Variants in NPR3 observed in about 807,000 individuals in gnomAD.
The protein encoded by NPR3 is natriuretic peptide receptor 3.
A neutral mutation model predicts 54.5 loss-of-function variants in NPR3; 34 were observed. That is an observed-to-expected ratio of 0.62 (90% CI 0.47 to 0.83). The LOEUF is 0.83. Among genes scored for constraint, NPR3 ranks in the 40% least tolerant of loss-of-function variants. The pLI is 0.00. For missense variants in NPR3, 674 were observed against 720.8 expected, an observed-to-expected ratio of 0.94 and a Z score of 0.74; for synonymous variants, 289 against 297.1, an observed-to-expected ratio of 0.97 and a Z score of 0.28.
At chr5:32,720,052 G>A (rs1320748212) in intron 1 of NPR3, among the ~76,000 whole-genome samples, 1 of 152,030 alleles carries the variant, frequency 6.6e-6, no homozygotes, top group Non-Finnish European at 1.5e-5. Context: ...TTTCCAAAAG[G>A]GCCTGCTTGC....
At chr5:32,701,080 A>T (rs1358484864) in intron 1 of NPR3, among the ~76,000 whole-genome samples, 2 of 152,138 alleles carry the variant, frequency 1.3e-5, no homozygotes, top group African/African-American at 4.8e-5. Context: ...CTTTTTAATG[A>T]TCACCATTCT....
chr5:32,720,415 G>A (rs546708808), intron 1 of NPR3, among the ~76,000 whole-genome samples: 3 of 152,218 alleles, frequency 2.0e-5, no homozygotes, highest in Non-Finnish European at 4.4e-5. Flanking sequence ...TACCTGGAAT[G>A]TTTTTGATTC....
intron 2 of NPR3, among the ~76,000 whole-genome samples, chr5:32,738,324 T>TC (rs747786930): frequency 6.6e-6 from 1 of 152,030 alleles, no homozygotes; most frequent in South Asian, 2.1e-4. Flanking sequence ...TGTGTGATGT[T>TC]CCCCTCCCTG....
upstream of NPR3, among the ~76,000 whole-genome samples, chr5:32,708,377 GC>G (rs1738052887): frequency 6.6e-6 from 1 of 151,982 alleles, no homozygotes. Context: ...TTAAAGTGCT[GC>G]AAAAATTCTA....
At chr5:32,755,507 G>A (rs1291418018) in intron 3 of NPR3, among the ~76,000 whole-genome samples, 1 of 152,140 alleles carries the variant, frequency 6.6e-6, no homozygotes, top group Non-Finnish European at 1.5e-5. Context: ...ATTGTACTAT[G>A]TGCTGTGAGG....
chr5:32,738,117 T>C (rs926574530), intron 2 of NPR3, among the ~76,000 whole-genome samples: 5 of 152,268 alleles, frequency 3.3e-5, no homozygotes, highest in Middle Eastern at 3.4e-3. Context: ...AATCTCAAAC[T>C]TTTATTTTAA....
At chr5:32,729,035 G>GTTTT (rs57033344) in intron 2 of NPR3, among the ~76,000 whole-genome samples, 16 of 79,580 alleles carry the variant, frequency 2.0e-4, no homozygotes, top group East Asian at 7.0e-4. Context: ...TTTTTGTTTT[G>GTTTT]TTTTTTTTTT....
chr5:32,772,808 G>A lies in NPR3; in HGVS notation c.1060-1900G>A, dbSNP rs115505120. 9.7e-3 allele frequency among the ~76,000 whole-genome samples: 1,481 copies of A among 152,164 alleles called. 26 individuals are homozygous for A. Among genetic ancestry groups the A allele is most frequent in the African/African-American group, 0.034 (1,396 of 41,504 alleles). ...TTTTTAAACCTAACGACATCCCCAC[G>A]AAATAGGTACTGTTAATTTTTCTCA... is the stretch of plus-strand genomic sequence containing the variant. On this transcript the variant is annotated intron_variant, in intron 3 of 7. Coordinates refer to ENST00000265074, the MANE Select transcript of NPR3 (RefSeq NM_001204375.2).
intron 1 of NPR3, among the ~76,000 whole-genome samples, chr5:32,718,762 G>A (rs1397808034): frequency 6.6e-6 from 1 of 152,142 alleles, no homozygotes; most frequent in African/African-American, 2.4e-5. Context: ...AGACAATGGG[G>A]TTTTCTAAAT....
chr5:32,735,477 A>G (rs10051922), intron 2 of NPR3, among the ~76,000 whole-genome samples: 1 of 132,494 alleles, frequency 7.5e-6, no homozygotes, highest in South Asian at 2.4e-4. Context: ...TCAGAAAAAT[A>G]CCAAAAAAAA....
chr5:32,716,734 TC>T (rs773395155), intron 1 of NPR3: 1 of 153,788 alleles, frequency 6.5e-6, no homozygotes, highest in African/African-American at 2.4e-5. Flanking sequence ...TTTCCTTTTT[TC>T]CCCCTACCTA....
At chr5:32,720,442 T>C (rs770936470) in intron 1 of NPR3, among the ~76,000 whole-genome samples, 8 of 152,232 alleles carry the variant, frequency 5.3e-5, no homozygotes, top group African/African-American at 1.7e-4. Flanking sequence ...TTGACTTCTA[T>C]AGCTACCTCT....
chr5:32,777,642 G>C (rs1742126965), intron 4 of NPR3, among the ~76,000 whole-genome samples: 1 of 152,188 alleles, frequency 6.6e-6, no homozygotes, highest in Non-Finnish European at 1.5e-5. Context: ...AGTAGGGAGA[G>C]GTTGAGCTCC....
At chr5:32,710,504 A>C, upstream of NPR3, 1 of 746,418 alleles carries the variant, frequency 1.3e-6, no homozygotes, top group East Asian at 3.5e-5. Flanking sequence ...TCCTGCTCTC[A>C]GTGCGCTGAC....
chr5:32,759,771 T>G (rs1471064870), intron 3 of NPR3, among the ~76,000 whole-genome samples: 1 of 152,210 alleles, frequency 6.6e-6, no homozygotes, highest in Middle Eastern at 3.2e-3. Context: ...GTTTAGTGCT[T>G]CCTTCAGGAG....
rs113348384 is a variant in NPR3, at chr5:32,788,300, C to A, written c.*1955C>A. 2,319 of 152,334 alleles carry A rather than the reference C, an allele frequency of 0.015. 36 individuals carry two copies. Among genetic ancestry groups the A allele is most frequent in the African/African-American group, 0.04 (1,659 of 41,564 alleles). 9.4% of individuals were successfully genotyped at this position (152,334 alleles called of 1,614,324 possible). A position where few individuals can be genotyped will look rare whatever the true frequency, so the allele number is the denominator to read the frequency against. On this transcript the variant is annotated 3_prime_UTR_variant, in exon 8 of 8. Coordinates refer to ENST00000265074, the MANE Select transcript of NPR3 (RefSeq NM_001204375.2). ...GGATGGAAGAAGAAGGCAAGAAGGG[C>A]AAACTCCAGAAGTTCTAGTGCAGGA...
chr5:32,701,213 C>A (rs1192975182), intron 1 of NPR3, among the ~76,000 whole-genome samples: 1 of 151,816 alleles, frequency 6.6e-6, no homozygotes, highest in Non-Finnish European at 1.5e-5. Context: ...CTTTTGTTTC[C>A]TCTGACTATG....
intron 2 of NPR3, among the ~76,000 whole-genome samples, chr5:32,729,515 A>G (rs981316150): frequency 2.0e-5 from 3 of 152,230 alleles, no homozygotes; most frequent in African/African-American, 7.2e-5. Context: ...TGATGAAGAT[A>G]CATTCTGAGA....
At chr5:32,700,010 T>C (rs1237921301) in intron 1 of NPR3, among the ~76,000 whole-genome samples, 1 of 152,258 alleles carries the variant, frequency 6.6e-6, no homozygotes, top group African/African-American at 2.4e-5. Context: ...ACTTTAAATA[T>C]GTTGGGCTAC....
Sources: allele counts gnomAD v4.1 joint callset (sites outside exome capture counted in the v4.1 genomes callset), GRCh38; gene constraint gnomAD v4.1.1; transcripts MANE v1.5; gene names NCBI Gene and HGNC (gene_info 2026-07-23, HGNC 2026-07-21).